The following MYO5B variants were observed in gnomAD, a reference collection of about 807,000 sequenced individuals.
The protein encoded by MYO5B is myosin VB, also known as unconventional myosin-Vb.
MYO5B carries 143 observed loss-of-function variants against 229.3 expected under a neutral mutation model. The observed-to-expected ratio is 0.62, with a 90% CI of 0.54 to 0.72. The LOEUF (loss-of-function observed/expected upper bound fraction) is 0.72, where lower values mean the gene tolerates loss of function less well. MYO5B is among the 30% of genes least tolerant of loss of function. The pLI is 0.00. For synonymous variants in MYO5B, 918 were observed against 885.2 expected, an observed-to-expected ratio of 1.04 and a Z score of -0.66; for missense variants, 2,321 against 2,331.0, an observed-to-expected ratio of 1.00 and a Z score of 0.09.
chr18:50,115,677 C>A (rs541313425), intron 1 of MYO5B, among the ~76,000 whole-genome samples: 1 of 152,214 alleles, frequency 6.6e-6, no homozygotes, highest in African/African-American at 2.4e-5. Flanking sequence ...ACTTCAGAAT[C>A]TTACAGAATA....
chr18:50,071,606 C>A (rs777684332), intron 1 of MYO5B, among the ~76,000 whole-genome samples: 5 of 152,220 alleles, frequency 3.3e-5, no homozygotes, highest in Non-Finnish European at 5.9e-5. Flanking sequence ...CAAGGAAGAG[C>A]AGCTCTGTCT....
intron 1 of MYO5B, among the ~76,000 whole-genome samples, chr18:50,123,393 C>A (rs1339869556): frequency 6.6e-6 from 1 of 152,072 alleles, no homozygotes; most frequent in Non-Finnish European, 1.5e-5. Context: ...CTGAACTGTA[C>A]ACTTTAAATG....
intron 22 of MYO5B, among the ~76,000 whole-genome samples, chr18:49,890,039 G>A (rs1017364535): frequency 3.3e-5 from 5 of 152,172 alleles, no homozygotes; most frequent in Non-Finnish European, 7.3e-5. Context: ...AATTTTGGAG[G>A]TAGGCCCATG....
At chr18:49,853,321 G>A in intron 31 of MYO5B, 128 bp downstream of exon 31, 1 of 923,764 alleles carries the variant, frequency 1.1e-6, no homozygotes, top group South Asian at 1.4e-5. Flanking sequence ...GAGACTTCTA[G>A]AATCTCTGTT....
chr18:50,091,136 A>G (rs1008440601), intron 1 of MYO5B, among the ~76,000 whole-genome samples: 1 of 152,188 alleles, frequency 6.6e-6, no homozygotes, highest in Non-Finnish European at 1.5e-5. Flanking sequence ...CTGTGCATAT[A>G]GATGCATTGC....
Position 49,892,256 on chromosome 18 carries a change from C to G in MYO5B, c.3045+2685G>C, listed in dbSNP as rs2024724167. Among the ~76,000 whole-genome samples the G allele has an allele frequency of 2.0e-5, 3 of 152,204 alleles. 1 individual carries two copies. The South Asian group carries it at 6.2e-4, about 31-fold the overall frequency. The stretch of plus-strand genomic sequence containing the variant: ...GGGTGTGGACTACCCCGTGGAAGCG[C>G]CAAAACAACAGATACCTTTAGTAGA... On this transcript the variant is annotated intron_variant, in intron 22 of 39. Transcript: ENST00000285039.
chr18:50,078,419 T>C (rs1204221365), intron 1 of MYO5B, among the ~76,000 whole-genome samples: 1 of 151,980 alleles, frequency 6.6e-6, no homozygotes, highest in Non-Finnish European at 1.5e-5. Flanking sequence ...CAGGAGGGAG[T>C]AGATGCATAC....
At chr18:50,192,308 G>A (rs77931391) in intron 1 of MYO5B, among the ~76,000 whole-genome samples, 67 of 152,326 alleles carry the variant, frequency 4.4e-4, no homozygotes, top group African/African-American at 1.5e-3. Context: ...TCAAGACCCT[G>A]AAGCATTTCT....
chr18:49,907,377 C>T (rs1568026380), intron 18 of MYO5B, among the ~76,000 whole-genome samples: 4 of 152,154 alleles, frequency 2.6e-5, no homozygotes, highest in South Asian at 2.1e-4. Flanking sequence ...TTGTTTTGGA[C>T]CTGTAATTAC....
chr18:50,051,414 T>C (rs1399381348), intron 2 of MYO5B, among the ~76,000 whole-genome samples: 2 of 152,114 alleles, frequency 1.3e-5, no homozygotes, highest in Admixed American at 6.5e-5. Context: ...ACAAACTCAG[T>C]TGGAAAATGA....
chr18:50,116,390 T>G (rs894456473), intron 1 of MYO5B, among the ~76,000 whole-genome samples: 1 of 152,190 alleles, frequency 6.6e-6, no homozygotes, highest in Admixed American at 6.5e-5. Flanking sequence ...AGGATGCTTG[T>G]TCCCCAAATC....
chr18:49,874,896 A>T (rs1290695895), intron 26 of MYO5B, among the ~76,000 whole-genome samples: 3 of 152,196 alleles, frequency 2.0e-5, no homozygotes, highest in South Asian at 2.1e-4. Context: ...CTATGGCACC[A>T]ACCTGTTTGC....
intron 17 of MYO5B, among the ~76,000 whole-genome samples, chr18:49,920,476 C>A (rs1192341170): frequency 2.0e-5 from 3 of 152,096 alleles, no homozygotes; most frequent in Admixed American, 6.5e-5. Context: ...TTTGCCTTTC[C>A]TTTTATCCCC....
At chr18:50,149,117 T>C (rs1253458561) in intron 1 of MYO5B, among the ~76,000 whole-genome samples, 2 of 152,120 alleles carry the variant, frequency 1.3e-5, no homozygotes, top group African/African-American at 4.8e-5. Flanking sequence ...CCTAGGAATC[T>C]ACCTTACAAG....
intron 1 of MYO5B, among the ~76,000 whole-genome samples, chr18:50,138,704 A>G (rs955383052): frequency 5.3e-5 from 8 of 152,158 alleles, no homozygotes; most frequent in Admixed American, 4.6e-4. Flanking sequence ...AAGAGGTTTG[A>G]TAAGTCCTTC....
At chr18:50,049,991 T>C (rs1003680033) in intron 2 of MYO5B, among the ~76,000 whole-genome samples, 1 of 152,226 alleles carries the variant, frequency 6.6e-6, no homozygotes, top group Non-Finnish European at 1.5e-5. Flanking sequence ...CCACAATTTT[T>C]TTTTACACTT....
chr18:50,158,521 A>G (rs1372898686), intron 1 of MYO5B, among the ~76,000 whole-genome samples: 1 of 152,174 alleles, frequency 6.6e-6, no homozygotes, highest in Non-Finnish European at 1.5e-5. Context: ...TCTTACATGT[A>G]TTGCTCATGT....
At position 49,877,858 on chromosome 18, in the gene MYO5B, G is replaced by C. The variant is rs953192277; in HGVS notation, c.3301C>G (p.Pro1101Ala). 8 of 1,614,136 alleles carry C rather than the reference G, an allele frequency of 5.0e-6. No homozygotes were observed. The highest frequency in any genetic ancestry group is 5.9e-6 in the Non-Finnish European group (7 of 1,180,010). Reference protein sequence around the residue: ...IKQTPGHRRNPSNQSSLESDS... With the variant: ...IKQTPGHRRNASNQSSLESDS... ...GATTCTAAGCTACTTTGGTTTGATG[G>C]GTTCCGCCTATGACCTGGAGTTTGC... Residue 1101 changes from proline (P) to alanine (A), a missense_variant, in exon 25 of 40, where the codon CCA becomes GCA. Transcript: ENST00000285039.
chr18:50,169,309 A>C lies in MYO5B; in HGVS notation c.27+25458T>G, dbSNP rs1383317253. On this transcript the variant is annotated intron_variant, in intron 1 of 39. Transcript: ENST00000285039. The stretch of plus-strand genomic sequence containing the variant: ...AGAGCAAGACCTTGTCTCAAAAAAG[A>C]AAAGCTACATAGGAAATGCAGGGGA... Among the ~76,000 whole-genome samples, 15 of 127,248 alleles carry C rather than the reference A, an allele frequency of 1.2e-4. 4 individuals carry two copies. In the Admixed American group the frequency reaches 1.3e-3, roughly 11 times the overall value. 83.5% of individuals were successfully genotyped at this position (127,248 alleles called of 152,430 possible).
Sources: gnomAD v4.1 joint callset for allele counts (sites outside exome capture counted in the v4.1 genomes callset) on GRCh38, gnomAD v4.1.1 for gene constraint, MANE v1.5 for transcripts, NCBI Gene and HGNC (gene_info 2026-07-23, HGNC 2026-07-21) for gene names.